The following PCDHGB1 variants were observed in gnomAD, a reference collection of about 807,000 sequenced individuals.
The protein encoded by PCDHGB1 is protocadherin gamma-B1.
Under a neutral mutation model 56.6 loss-of-function variants are expected in PCDHGB1, and 34 were observed. The ratio of observed to expected loss-of-function variants is 0.60; its 90% confidence interval spans 0.46 to 0.80. The LOEUF is 0.80. Among genes scored for constraint, PCDHGB1 ranks in the 30% least tolerant of loss-of-function variants. The probability of loss-of-function intolerance (pLI) is 0.00; values close to 1 mark genes in which losing one functional copy is unlikely to be tolerated. For synonymous variants in PCDHGB1, 561 were observed against 505.9 expected (o/e 1.11, Z -1.46); for missense variants, 1,278 against 1,204.6 (o/e 1.06, Z -0.90).
intron 1 of PCDHGB1, chr5:141,395,509 G>C (rs59251876): frequency 0.091 from 39,157 of 428,204 alleles, 2,522 homozygotes; most frequent in African/African-American, 0.18. Flanking sequence ...TTAAGAAGTA[G>C]CTACCCGTCC....
At chr5:141,448,542 T>G (rs2098594694) in intron 1 of PCDHGB1, among the ~76,000 whole-genome samples, 1 of 152,210 alleles carries the variant, frequency 6.6e-6, no homozygotes, top group Non-Finnish European at 1.5e-5. Flanking sequence ...GCATTTCTTA[T>G]GCAAATATGT....
intron 1 of PCDHGB1, among the ~76,000 whole-genome samples, chr5:141,475,504 T>C (rs1202550150): frequency 1.3e-5 from 2 of 152,254 alleles, no homozygotes; most frequent in Non-Finnish European, 2.9e-5. Flanking sequence ...AAATTATTAA[T>C]GTCTCCACGG....
chr5:141,449,471 G>A (rs1261821886), intron 1 of PCDHGB1, among the ~76,000 whole-genome samples: 1 of 151,060 alleles, frequency 6.6e-6, no homozygotes, highest in African/African-American at 2.4e-5. Flanking sequence ...GCCAGGCCTG[G>A]TACCCCATGC....
intron 1 of PCDHGB1, chr5:141,395,524 T>G (rs1312171320): frequency 5.1e-6 from 2 of 392,258 alleles, no homozygotes; most frequent in Non-Finnish European, 9.1e-6. Flanking sequence ...CCGTCCATAC[T>G]GGTAATTTTG....
chr5:141,446,920 C>T (rs2098520337), intron 1 of PCDHGB1, among the ~76,000 whole-genome samples: 1 of 152,108 alleles, frequency 6.6e-6, no homozygotes, highest in African/African-American at 2.4e-5. Flanking sequence ...TATTTATCTT[C>T]CTGATCTCTT....
rs934674909 is a variant in PCDHGB1, at chr5:141,511,083, A to C, written c.2694A>C (p.Thr898=). Residue 898 remains threonine, a synonymous_variant, in exon 4 of 4, where the codon ACA becomes ACC. Transcript: ENST00000523390. The part of the protein sequence containing the change: ...QNVYIPGSNA[T]LTNAAGKRDG... Reference sequence around the variant, plus strand: ...TCTACATCCCAGGCAGCAATGCCACACTGACCAACGCAGCTGGCAAGCGGG... The same window carrying C: ...TCTACATCCCAGGCAGCAATGCCACCCTGACCAACGCAGCTGGCAAGCGGG... 1.2e-6 allele frequency: 2 copies of C among 1,614,108 alleles called. No homozygotes were observed. Among genetic ancestry groups the C allele is most frequent in the African/African-American group, 2.7e-5 (2 of 74,940 alleles).
chr5:141,390,537 A>G (rs565157857), intron 1 of PCDHGB1: 629 of 520,554 alleles, frequency 1.2e-3, no homozygotes, highest in Non-Finnish European at 1.9e-3. Context: ...GGTTTTAACC[A>G]CAAAGTGAAA....
intron 2 of PCDHGB1, among the ~76,000 whole-genome samples, chr5:141,497,893 C>T (rs1194262199): frequency 6.6e-6 from 1 of 152,132 alleles, no homozygotes; most frequent in Non-Finnish European, 1.5e-5. Flanking sequence ...GGATCTAGTC[C>T]AGTAACTTCA....
chr5:141,394,607 G>A (rs769750411), intron 1 of PCDHGB1: 17 of 1,613,530 alleles, frequency 1.1e-5, no homozygotes, highest in Non-Finnish European at 1.4e-5. Context: ...ACAGAGACTC[G>A]GGCCAGAACG....
At chr5:141,408,691 C>T (rs1013098114) in intron 1 of PCDHGB1, 1 of 1,613,854 alleles carries the variant, frequency 6.2e-7, no homozygotes, top group Non-Finnish European at 8.5e-7. Flanking sequence ...CTGATATAAA[C>T]ATAAACTCAA....
chr5:141,470,778 C>A (rs1047167697), intron 1 of PCDHGB1, among the ~76,000 whole-genome samples: 1 of 152,132 alleles, frequency 6.6e-6, no homozygotes, highest in African/African-American at 2.4e-5. Context: ...GTCTTGAATT[C>A]CTGGGCTCAA....
chr5:141,492,122 C>G (rs2154587050), intron 1 of PCDHGB1, among the ~76,000 whole-genome samples: 1 of 152,328 alleles, frequency 6.6e-6, no homozygotes, highest in Admixed American at 6.5e-5. Context: ...GATTTCTCCC[C>G]AGCTCCCAGC....
Position 141,487,306 on chromosome 5 carries a change from ACT to A in PCDHGB1, c.2410-7496_2410-7495del. 1 of 1,613,414 alleles carries A rather than the reference ACT, an allele frequency of 6.2e-7. No individual in the cohort carries two copies. The highest frequency in any genetic ancestry group is 8.5e-7 in the Non-Finnish European group (1 of 1,179,874). ...TCTCCTTTGGCTCATTCGTGGCACT[ACT>A]CTCTAAGTGTCTTCGTGGGGCAGCC... On this transcript the variant is annotated intron_variant, in intron 1 of 3. Coordinates refer to ENST00000523390, the MANE Select transcript of PCDHGB1 (RefSeq NM_018922.3). The surrounding 1 kb of genome is among the most constrained non-coding windows in gnomAD (Gnocchi z 5.0).
At chr5:141,367,154 T>A (rs1764978094) in intron 1 of PCDHGB1, 1 of 162,130 alleles carries the variant, frequency 6.2e-6, no homozygotes, top group African/African-American at 2.4e-5. Flanking sequence ...ATAGGACTGA[T>A]ATTTTAGTCT....
rs1296142784 is a variant in PCDHGB1 at position 141,431,302 on chromosome 5, C to T, written c.2410-63505C>T. ...GCCCGAACACTCACTTCTCCCTCAT[C>T]GTGCAAAATGGAGCCGACGGTAGTA... is the stretch of plus-strand genomic sequence containing the variant. On this transcript the variant is annotated intron_variant, in intron 1 of 3. Coordinates refer to ENST00000523390, the MANE Select transcript of PCDHGB1 (RefSeq NM_018922.3). This position sits in a 1 kb window ranked among gnomAD's most constrained non-coding sequence, Gnocchi z 4.8. 2 of 1,614,028 alleles carry T rather than the reference C, an allele frequency of 1.2e-6. No individual in the cohort carries two copies. Among genetic ancestry groups the T allele is most frequent in the African/African-American group, 1.3e-5 (1 of 74,946 alleles).
chr5:141,359,986 G>T (rs1403272026), intron 1 of PCDHGB1: 1 of 913,802 alleles, frequency 1.1e-6, no homozygotes. Flanking sequence ...CTCTTAGAGG[G>T]GAACTTCCTG....
chr5:141,452,587 A>G (rs1171400700), intron 1 of PCDHGB1, among the ~76,000 whole-genome samples: 1 of 151,948 alleles, frequency 6.6e-6, no homozygotes, highest in Non-Finnish European at 1.5e-5. Context: ...CCATCTTTGT[A>G]TTTTTATTTT....
At chr5:141,505,352 C>CG in intron 2 of PCDHGB1, 41 bp from the exon 3 acceptor site, 1 of 1,613,302 alleles carries the variant, frequency 6.2e-7, no homozygotes, top group East Asian at 2.2e-5. Context: ...TGAGCTGTGC[C>CG]GGCCTGGGAG....
At chr5:141,425,756 A>G (rs1282506394) in intron 1 of PCDHGB1, among the ~76,000 whole-genome samples, 1 of 152,228 alleles carries the variant, frequency 6.6e-6, no homozygotes, top group Non-Finnish European at 1.5e-5. Flanking sequence ...TTTTTGTTCT[A>G]CAACAGGAGA....
Sources: allele counts gnomAD v4.1 joint callset (sites outside exome capture counted in the v4.1 genomes callset), GRCh38; gene constraint gnomAD v4.1.1; non-coding constraint Gnocchi (gnomAD v3.1); transcripts MANE v1.5; gene names NCBI Gene and HGNC (gene_info 2026-07-23, HGNC 2026-07-21).